Variants in DLG2 observed in about 807,000 individuals in gnomAD.
DLG2 encodes discs large MAGUK scaffold protein 2.
A neutral mutation model predicts 132.5 loss-of-function variants in DLG2; 45 were observed. The observed-to-expected ratio is 0.34, with a 90% CI of 0.27 to 0.44. The LOEUF (loss-of-function observed/expected upper bound fraction) is 0.44. DLG2 is among the 20% of genes least tolerant of loss of function. DLG2 has a pLI of 1.00. For missense variants in DLG2, 1,045 were observed against 1,196.9 expected (o/e 0.87, Z 1.87); for synonymous variants, 424 against 419.6 (o/e 1.01, Z -0.13).
intron 3 of DLG2, among the ~76,000 whole-genome samples, chr11:85,527,016 GT>G (rs1385530097): frequency 2.6e-5 from 4 of 152,074 alleles, no homozygotes; most frequent in Non-Finnish European, 5.9e-5. Flanking sequence ...TTATTCTGTA[GT>G]TTTCCTAACT....
At chr11:85,314,302 A>G (rs2080502525) in intron 3 of DLG2, among the ~76,000 whole-genome samples, 1 of 151,914 alleles carries the variant, frequency 6.6e-6, no homozygotes, top group Middle Eastern at 3.4e-3. Flanking sequence ...TCCCAAGCTC[A>G]CTCCTAATAA....
chr11:84,534,767 TA>T, intron 6 of DLG2, 36 bp from the exon 7 acceptor site: 2 of 1,605,306 alleles, frequency 1.2e-6, no homozygotes, highest in South Asian at 2.2e-5. Context: ...AGTATGTATA[TA>T]TCAGTGTTTG....
intron 18 of DLG2, among the ~76,000 whole-genome samples, chr11:83,658,285 TAGAG>T (rs1310033401): frequency 1.3e-5 from 2 of 152,232 alleles, no homozygotes; most frequent in African/African-American, 4.8e-5. Flanking sequence ...AACAAATATA[TAGAG>T]ACTTTATTAT....
intron 21 of DLG2, among the ~76,000 whole-genome samples, chr11:83,506,127 A>G (rs2094686914): frequency 6.6e-6 from 1 of 152,220 alleles, no homozygotes; most frequent in African/African-American, 2.4e-5. Flanking sequence ...TTCAGGTCTC[A>G]TGGCAACTGG....
intron 6 of DLG2, among the ~76,000 whole-genome samples, chr11:84,746,443 T>A (rs1202993098): frequency 2.1e-5 from 3 of 145,030 alleles, no homozygotes; most frequent in Non-Finnish European, 3.0e-5. Flanking sequence ...TAGACTTGAT[T>A]AAAAAAAAAA....
At chr11:84,031,439 T>C (rs2095688454) in intron 11 of DLG2, among the ~76,000 whole-genome samples, 1 of 152,158 alleles carries the variant, frequency 6.6e-6, no homozygotes, top group African/African-American at 2.4e-5. Flanking sequence ...GTAGATTTTA[T>C]TATAATAAAT....
rs2096199628 is a variant in DLG2 at position 83,544,988 on chromosome 11, C to T, written c.1941-3130G>A. ...CTGCTTCTTCCCTAAATTCCTGAAA[C>T]TCCCTTACTGCTCAGTCCTTGTCCA... On this transcript the variant is annotated intron_variant, in intron 19 of 27. Coordinates refer to ENST00000376104, the MANE Select transcript of DLG2 (RefSeq NM_001142699.3). Among the ~76,000 whole-genome samples, 4 of 152,126 alleles carry T rather than the reference C, an allele frequency of 2.6e-5. No individual in the cohort carries two copies. In the South Asian group the frequency reaches 8.3e-4, roughly 32 times the overall value.
intron 6 of DLG2, among the ~76,000 whole-genome samples, chr11:84,619,664 A>G (rs1334882011): frequency 6.6e-6 from 1 of 151,754 alleles, no homozygotes; most frequent in Non-Finnish European, 1.5e-5. Context: ...GAAGGAAAAA[A>G]GATACTATTC....
At chr11:83,909,894 C>G (rs2075747055) in intron 15 of DLG2, among the ~76,000 whole-genome samples, 1 of 152,158 alleles carries the variant, frequency 6.6e-6, no homozygotes, top group East Asian at 1.9e-4. Context: ...GACTCTTCCT[C>G]TACTCCAGGG....
At chr11:84,839,381 A>G (rs1413789123) in intron 6 of DLG2, among the ~76,000 whole-genome samples, 5 of 152,094 alleles carry the variant, frequency 3.3e-5, no homozygotes, top group Non-Finnish European at 4.4e-5. Context: ...ATGCTCATGG[A>G]TAGGAAGAAT....
chr11:83,687,685 G>A (rs2080063385), intron 18 of DLG2, among the ~76,000 whole-genome samples: 1 of 151,840 alleles, frequency 6.6e-6, no homozygotes, highest in East Asian at 1.9e-4. Flanking sequence ...ATAAAAAGTT[G>A]GCAATTCTGT....
chr11:84,787,808 G>A (rs2073162122), intron 6 of DLG2, among the ~76,000 whole-genome samples: 1 of 151,856 alleles, frequency 6.6e-6, no homozygotes, highest in African/African-American at 2.4e-5. Flanking sequence ...TGTGAAGAAG[G>A]GAGAAACTGA....
intron 16 of DLG2, among the ~76,000 whole-genome samples, chr11:83,846,508 A>C (rs968907161): frequency 1.3e-5 from 2 of 152,198 alleles, no homozygotes; most frequent in Non-Finnish European, 2.9e-5. Context: ...ATAATTCTAA[A>C]GGTCTCTAAA....
intron 3 of DLG2, among the ~76,000 whole-genome samples, chr11:85,286,826 C>A (rs989993731): frequency 6.6e-6 from 1 of 151,956 alleles, no homozygotes; most frequent in Non-Finnish European, 1.5e-5. Flanking sequence ...AATGGTTGAT[C>A]GTAGGACTGG....
chr11:85,595,274 T>C (rs1591136153), intron 3 of DLG2, among the ~76,000 whole-genome samples: 2 of 152,012 alleles, frequency 1.3e-5, no homozygotes, highest in East Asian at 3.8e-4. Context: ...ATTGCCATTT[T>C]AGGTTTGTTT....
intron 6 of DLG2, among the ~76,000 whole-genome samples, chr11:84,814,946 T>C (rs1222654580): frequency 6.6e-6 from 1 of 152,104 alleles, no homozygotes; most frequent in African/African-American, 2.4e-5. Context: ...CTTTGCCTGA[T>C]GGGGCTGCTT....
At chr11:84,920,690 G>C (rs1277337586) in intron 6 of DLG2, among the ~76,000 whole-genome samples, 1 of 126,498 alleles carries the variant, frequency 7.9e-6, no homozygotes, top group Non-Finnish European at 1.7e-5. Flanking sequence ...TGACCCAGGA[G>C]TCATATTCTG....
rs185009706 is a variant in DLG2 at position 85,051,557 on chromosome 11, C to T, written c.357+60104G>A. On this transcript the variant is annotated intron_variant, in intron 6 of 27. Transcript: ENST00000376104. ...AACAGACACAGTTTCTGCTCTTGTG[C>T]TAGCAGAGAAAACAGATATTGAAAA... Among the ~76,000 whole-genome samples the T allele has an allele frequency of 3.9e-5, 6 of 152,240 alleles. No homozygotes were observed. In the East Asian group the frequency reaches 1.2e-3, roughly 29 times the overall value.
At chr11:85,174,596 G>A (rs1368995375) in intron 4 of DLG2, among the ~76,000 whole-genome samples, 1 of 152,000 alleles carries the variant, frequency 6.6e-6, no homozygotes, top group Non-Finnish European at 1.5e-5. Flanking sequence ...GTTAGCAGAA[G>A]ACAAGAAATA....
Sources: gnomAD v4.1 joint callset for allele counts (sites outside exome capture counted in the v4.1 genomes callset) on GRCh38, gnomAD v4.1.1 for gene constraint, MANE v1.5 for transcripts, NCBI Gene and HGNC (gene_info 2026-07-23, HGNC 2026-07-21) for gene names.